LRP1B: variants seen among roughly 807,000 people sequenced by gnomAD.
LRP1B encodes low-density lipoprotein receptor-related protein 1B.
In LRP1B, 217 loss-of-function variants were observed where a neutral mutation model predicts 556.6. The ratio of observed to expected loss-of-function variants is 0.39; its 90% CI spans 0.35 to 0.44. The LOEUF is 0.44. LRP1B is among the 20% of genes least tolerant of loss of function. The probability of loss-of-function intolerance (pLI) is 1.00; values close to 1 mark genes in which losing one functional copy is unlikely to be tolerated. For synonymous variants in LRP1B, 2,047 were observed against 1,865.8 expected, an observed-to-expected ratio of 1.10 and a Z score of -2.50; for missense variants, 5,053 against 5,620.8, an observed-to-expected ratio of 0.90 and a Z score of 3.23.
chr2:140,636,907 T>C (rs1412882418), intron 41 of LRP1B, among the ~76,000 whole-genome samples: 1 of 152,170 alleles, frequency 6.6e-6, no homozygotes, highest in Non-Finnish European at 1.5e-5. Flanking sequence ...GTAGCTGTGA[T>C]GTTGCTTGCT....
At chr2:140,366,170 G>C (rs1682750565) in intron 71 of LRP1B, among the ~76,000 whole-genome samples, 1 of 151,664 alleles carries the variant, frequency 6.6e-6, no homozygotes, top group Admixed American at 6.6e-5. Flanking sequence ...TTTCAAGAGA[G>C]GTCATGGCAA....
chr2:141,154,963 TTCCTA>T (rs1363928112), intron 7 of LRP1B, among the ~76,000 whole-genome samples: 1 of 151,968 alleles, frequency 6.6e-6, no homozygotes, highest in Non-Finnish European at 1.5e-5. Context: ...TTAAATAATA[TTCCTA>T]TCCTATTATA....
rs557670309 is a variant in LRP1B at position 141,494,078 on chromosome 2, A to T, written c.206-13545T>A. Among the ~76,000 whole-genome samples, 4 of 152,292 alleles carry T rather than the reference A, an allele frequency of 2.6e-5. No individual in the cohort carries two copies. The East Asian group carries it at 7.7e-4, about 29-fold the overall frequency. Reference sequence around the variant, plus strand: ...TTCTGAGATCAAGCAGACCAGCTACATGACAGTTGCTACGTCTTCCTGGTG... The same window carrying T: ...TTCTGAGATCAAGCAGACCAGCTACTTGACAGTTGCTACGTCTTCCTGGTG... On this transcript the variant is annotated intron_variant, in intron 2 of 90. Coordinates refer to ENST00000389484, the MANE Select transcript of LRP1B (RefSeq NM_018557.3).
At chr2:140,905,222 G>GC (rs888916556) in intron 22 of LRP1B, among the ~76,000 whole-genome samples, 2 of 151,402 alleles carry the variant, frequency 1.3e-5, no homozygotes, top group African/African-American at 4.9e-5. Flanking sequence ...CACCTCCACC[G>GC]CCCCCCTCCC....
intron 18 of LRP1B, 69 bp downstream of exon 18, chr2:140,982,091 G>T: frequency 8.3e-7 from 1 of 1,202,844 alleles, no homozygotes; most frequent in Non-Finnish European, 1.2e-6. Flanking sequence ...GCCCTTTAAG[G>T]AGGGTGTAGT....
intron 2 of LRP1B, among the ~76,000 whole-genome samples, chr2:141,744,343 T>C (rs1483108756): frequency 1.3e-5 from 2 of 152,186 alleles, no homozygotes; most frequent in Non-Finnish European, 2.9e-5. Context: ...TCAGAGAAAA[T>C]GCTTGCTATT....
chr2:142,093,439 T>C (rs1433109174), intron 1 of LRP1B, among the ~76,000 whole-genome samples: 1 of 152,142 alleles, frequency 6.6e-6, no homozygotes, highest in Non-Finnish European at 1.5e-5. Context: ...TTAGCTCCTT[T>C]CTATTTTAAG....
chr2:140,602,359 C>T (rs990836871), intron 41 of LRP1B, among the ~76,000 whole-genome samples: 18 of 152,020 alleles, frequency 1.2e-4, no homozygotes, highest in African/African-American at 3.1e-4. Flanking sequence ...TATTCCCAAT[C>T]TCTAGGGTAA....
intron 1 of LRP1B, among the ~76,000 whole-genome samples, chr2:142,037,229 C>G (rs113217834): frequency 0.011 from 1,716 of 151,700 alleles, 26 homozygotes; most frequent in African/African-American, 0.033. Flanking sequence ...GCTGCATTCT[C>G]TCTGAGAAAG....
intron 57 of LRP1B, among the ~76,000 whole-genome samples, chr2:140,488,528 C>T (rs1008364196): frequency 1.3e-5 from 2 of 151,840 alleles, no homozygotes; most frequent in African/African-American, 4.8e-5. Context: ...ACATTTGATT[C>T]GATTTGAGGA....
At chr2:141,868,412 T>C (rs113814595) in intron 1 of LRP1B, among the ~76,000 whole-genome samples, 14 of 152,296 alleles carry the variant, frequency 9.2e-5, no homozygotes, top group African/African-American at 2.9e-4. Context: ...AGCATGTCTC[T>C]CCAGAATTAG....
intron 2 of LRP1B, among the ~76,000 whole-genome samples, chr2:141,587,197 G>C (rs1687173122): frequency 6.6e-6 from 1 of 152,108 alleles, no homozygotes; most frequent in Admixed American, 6.5e-5. Context: ...CAGCAAAAAA[G>C]TATATATGTG....
At chr2:141,450,044 C>A (rs1681356815) in intron 3 of LRP1B, among the ~76,000 whole-genome samples, 1 of 151,870 alleles carries the variant, frequency 6.6e-6, no homozygotes, top group Admixed American at 6.6e-5. Flanking sequence ...TATCCATATG[C>A]AAATGCATTT....
intron 24 of LRP1B, 106 bp downstream of exon 24, chr2:140,886,032 A>G (rs772641821): frequency 1.8e-4 from 126 of 681,802 alleles, no homozygotes; most frequent in Non-Finnish European, 2.6e-4. Flanking sequence ...GGGATAAAGG[A>G]CCAAAGGTCA....
intron 7 of LRP1B, among the ~76,000 whole-genome samples, chr2:141,099,361 T>C (rs973889206): frequency 2.0e-5 from 3 of 152,190 alleles, no homozygotes; most frequent in African/African-American, 7.2e-5. Flanking sequence ...AAATCTTTGG[T>C]TTAAAAGTGA....
At chr2:141,119,082 G>T (rs1325514917) in intron 7 of LRP1B, among the ~76,000 whole-genome samples, 1 of 151,906 alleles carries the variant, frequency 6.6e-6, no homozygotes, top group Non-Finnish European at 1.5e-5. Context: ...GTAACTTGAT[G>T]AGTTAATTTT....
chr2:141,169,287 AAAATAAATAAATAAATAAATAAAT>A (rs201628193), intron 7 of LRP1B, among the ~76,000 whole-genome samples: 3 of 137,786 alleles, frequency 2.2e-5, no homozygotes, highest in African/African-American at 8.1e-5. Flanking sequence ...CTCTGTCTCA[AAAATAAATAAATAAATAAATAAAT>A]AAATAAATAA....
chr2:141,751,886 T>C (rs1694128519), intron 2 of LRP1B, among the ~76,000 whole-genome samples: 2 of 150,914 alleles, frequency 1.3e-5, no homozygotes, highest in Admixed American at 1.3e-4. Flanking sequence ...AAGAGCAGTT[T>C]CTTGTGTGTG....
At chr2:140,975,394 TA>T (rs1696562290) in intron 18 of LRP1B, among the ~76,000 whole-genome samples, 1 of 152,172 alleles carries the variant, frequency 6.6e-6, no homozygotes, top group Non-Finnish European at 1.5e-5. Context: ...TTGTGAAATT[TA>T]CAGCAGCAGA....
Sources: allele counts gnomAD v4.1 joint callset (sites outside exome capture counted in the v4.1 genomes callset), GRCh38; gene constraint gnomAD v4.1.1; transcripts MANE v1.5; gene names NCBI Gene and HGNC (gene_info 2026-07-23, HGNC 2026-07-21).